MCF2L: variants seen among roughly 807,000 people sequenced by gnomAD.
The protein encoded by MCF2L is guanine nucleotide exchange factor DBS.
MCF2L carries 97 observed loss-of-function variants against 153.4 expected under a neutral mutation model. The observed-to-expected ratio is 0.63, with a 90% CI of 0.54 to 0.75. MCF2L has a LOEUF of 0.75. MCF2L is among the 30% of genes least tolerant of loss of function. The probability of loss-of-function intolerance (pLI) is 0.00; values close to 1 mark genes in which losing one functional copy is unlikely to be tolerated. For synonymous variants in MCF2L, 659 were observed against 632.2 expected, an observed-to-expected ratio of 1.04 and a Z score of -0.64; for missense variants, 1,347 against 1,495.2, an observed-to-expected ratio of 0.90 and a Z score of 1.64.
chr13:112,912,346 C>T (rs1182241877), intron 2 of MCF2L, among the ~76,000 whole-genome samples: 9 of 151,796 alleles, frequency 5.9e-5, no homozygotes, highest in Admixed American at 2.0e-4. Flanking sequence ...GATAGAGCCT[C>T]GCTCTGTCAC....
intron 3 of MCF2L, chr13:113,044,627 C>A (rs1242463545): frequency 2.5e-6 from 4 of 1,596,838 alleles, no homozygotes. Context: ...CGGAAGAGGG[C>A]TCTCCGCACC....
At chr13:112,970,498 C>T (rs1240849724) in intron 1 of MCF2L, among the ~76,000 whole-genome samples, 2 of 152,148 alleles carry the variant, frequency 1.3e-5, no homozygotes, top group African/African-American at 4.8e-5. Context: ...ATGCCGTCTG[C>T]TCCCTGATTC....
intron 1 of MCF2L, among the ~76,000 whole-genome samples, chr13:113,007,899 G>A (rs1478801414): frequency 3.4e-5 from 5 of 148,826 alleles, no homozygotes; most frequent in Admixed American, 6.8e-5. Context: ...TTTTTAGTAT[G>A]TGTATCTTTT....
chr13:113,086,085 C>T (rs764398605), intron 20 of MCF2L, 39 bp from the exon 21 acceptor site: 7 of 1,582,386 alleles, frequency 4.4e-6, no homozygotes, highest in Non-Finnish European at 6.0e-6. Flanking sequence ...CCAGGGCTCT[C>T]CGTGTCCCGA....
In MCF2L at chr13:113,097,402, A is replaced by AT. The variant is rs1348515534; in HGVS notation, c.*550dup. The AT allele has an allele frequency of 6.6e-6, 1 of 152,268 alleles. No individual in the cohort carries two copies. Among genetic ancestry groups the AT allele is most frequent in the Admixed American group, 6.5e-5 (1 of 15,280 alleles). 9.4% of individuals were successfully genotyped at this position (152,268 alleles called of 1,614,324 possible). A position where few individuals can be genotyped will look rare whatever the true frequency, so the allele number is the denominator to read the frequency against. On this transcript the variant is annotated 3_prime_UTR_variant, in exon 30 of 30. Transcript: ENST00000535094. Reference sequence around the variant, plus strand: ...TTGATACTGTATTTGATAGAAAACTATTTTTTTGTTACCGGGGTTTACATA... The same window carrying AT: ...TTGATACTGTATTTGATAGAAAACTATTTTTTTTGTTACCGGGGTTTACATA...
chr13:112,904,753 C>T lies in MCF2L; in HGVS notation c.169+2382C>T, dbSNP rs570519097. Among the ~76,000 whole-genome samples, 34 of 152,366 alleles carry T rather than the reference C, an allele frequency of 2.2e-4. No homozygotes were observed. The highest frequency in any genetic ancestry group is 6.5e-4 in the Admixed American group (10 of 15,308). ...AGCGCACGGCGTGGACTGCGGCCTG[C>T]GGGAGAACCGCACTCGGCTCTCAGG... On this transcript the variant is annotated intron_variant, in intron 2 of 29. Coordinates refer to the MCF2L transcript ENST00000375608. This position sits in a 1 kb window ranked among gnomAD's most constrained non-coding sequence, Gnocchi z 4.2.
At chr13:112,958,776 CG>C (rs2081789357) in intron 2 of MCF2L, among the ~76,000 whole-genome samples, 2 of 152,222 alleles carry the variant, frequency 1.3e-5, no homozygotes, top group African/African-American at 2.4e-5. Context: ...GTGTGGGATA[CG>C]TGTGCCAGGC....
intron 3 of MCF2L, chr13:113,044,589 C>A: frequency 1.3e-6 from 2 of 1,547,526 alleles, no homozygotes; most frequent in Non-Finnish European, 1.7e-6. Flanking sequence ...TGGCATCACG[C>A]AATTGGCTTG....
Position 113,064,412 on chromosome 13 carries a change from C to A in MCF2L, c.598C>A (p.Gln200Lys). The part of the protein sequence containing the change: ...LDYCHSRWLC[Q>K]RTAIESFALM... ...CTACTGCCACTCCCGGTGGCTGTGC[C>A]AGCGCACGGTGAGCCGCGTCGGGGC... The change falls in exon 6 of 30, where the codon CAG (glutamine) becomes AAG (lysine). Residue 200 changes from glutamine (Q) to lysine (K), a missense_variant. Physicochemically the swap from Gln to Lys is moderately conservative, Grantham distance 53. Coordinates refer to ENST00000535094, the MANE Select transcript of MCF2L (RefSeq NM_001112732.3). This position sits in a 1 kb window ranked among gnomAD's most constrained non-coding sequence, Gnocchi z 6.0. 3.1e-6 allele frequency: 5 copies of A among 1,611,158 alleles called. No individual in the cohort carries two copies. Among genetic ancestry groups the A allele is most frequent in the Non-Finnish European group, 4.2e-6 (5 of 1,178,888 alleles).
At chr13:112,909,352 G>T in intron 2 of MCF2L, 1 of 776,820 alleles carries the variant, frequency 1.3e-6, no homozygotes, top group South Asian at 1.3e-5. Flanking sequence ...TACAGACCCG[G>T]CCTCCCCGCC....
At chr13:112,898,330 C>T (rs895526195) in intron 1 of MCF2L, among the ~76,000 whole-genome samples, 1 of 152,216 alleles carries the variant, frequency 6.6e-6, no homozygotes, top group South Asian at 2.1e-4. Context: ...GCGCTCTACC[C>T]GAGCTGGTTG....
At chr13:113,030,153 A>C (rs2993313) in intron 3 of MCF2L, among the ~76,000 whole-genome samples, 24,202 of 152,224 alleles carry the variant, frequency 0.16, 2,485 homozygotes, top group East Asian at 0.4. Flanking sequence ...TGGTCCTTGG[A>C]AAGACGACTC....
intron 1 of MCF2L, among the ~76,000 whole-genome samples, chr13:113,001,104 C>A (rs2141045218): frequency 6.6e-6 from 1 of 152,270 alleles, no homozygotes; most frequent in East Asian, 1.9e-4. Context: ...GGGACTCCCA[C>A]CCAGGGCAGC....
At position 113,024,661 on chromosome 13, in the gene MCF2L, G is replaced by A. The variant is rs757292269; in HGVS notation, c.181G>A (p.Gly61Arg). Residue 61 changes from glycine (G) to arginine (R), a missense_variant, in exon 3 of 30, where the codon GGA becomes AGA. Around this residue, in one of 3 missense-constraint regions of MCF2L, gnomAD observed 820 missense variants for 921.2 expected, o/e 0.89. Coordinates refer to ENST00000535094, the MANE Select transcript of MCF2L (RefSeq NM_001112732.3). Reference sequence around the variant, plus strand: ...CTCCCCAGGTGGGCGGGGGCAGGACGGAAGCCCGGTTATCACCTTCCCTGA... The same window carrying A: ...CTCCCCAGGTGGGCGGGGGCAGGACAGAAGCCCGGTTATCACCTTCCCTGA... ...AYLSGGRGQDGSPVITFPDYP... is the reference protein window; with the variant it reads ...AYLSGGRGQDRSPVITFPDYP... The A allele has an allele frequency of 1.6e-5, 26 of 1,613,752 alleles. No homozygotes were observed. In the East Asian group the frequency reaches 2.9e-4, roughly 18 times the overall value.
At chr13:112,916,432 G>T (rs950756589) in intron 2 of MCF2L, among the ~76,000 whole-genome samples, 2 of 152,106 alleles carry the variant, frequency 1.3e-5, no homozygotes. Flanking sequence ...TGACTCACTG[G>T]TGTTTCATCA....
rs552741826 is a variant in MCF2L, at chr13:112,996,636, G to T, written c.80-18127G>T. On this transcript the variant is annotated intron_variant, in intron 1 of 29. Coordinates refer to ENST00000535094, the MANE Select transcript of MCF2L (RefSeq NM_001112732.3). The stretch of plus-strand genomic sequence containing the variant: ...CATCCTGCGACCGTGCTCCTCAGGT[G>T]TGCCCCACGGGCCCGGGAATGTCCT... 1.7e-3 allele frequency among the ~76,000 whole-genome samples: 261 copies of T among 152,298 alleles called. 2 individuals are homozygous for T. The highest frequency in any genetic ancestry group is 5.2e-3 in the African/African-American group (216 of 41,552).
In MCF2L at chr13:113,027,412, G is replaced by T. The variant is rs2085381077; in HGVS notation, c.278+2654G>T. Among the ~76,000 whole-genome samples, 1 of 152,130 alleles carries T rather than the reference G, an allele frequency of 6.6e-6. No individual in the cohort carries two copies. The highest frequency in any genetic ancestry group is 1.5e-5 in the Non-Finnish European group (1 of 68,026). Reference sequence around the variant, plus strand: ...GGGAGCCTCACCGGTGGGCCTTTCGGGGGCAGGACGTCTTGGTGGGCAGAA... The same window carrying T: ...GGGAGCCTCACCGGTGGGCCTTTCGTGGGCAGGACGTCTTGGTGGGCAGAA... On this transcript the variant is annotated intron_variant, in intron 3 of 29. Coordinates refer to ENST00000535094, the MANE Select transcript of MCF2L (RefSeq NM_001112732.3). The surrounding 1 kb of genome is among the most constrained non-coding windows in gnomAD (Gnocchi z 4.8).
chr13:112,988,333 G>A (rs1463956025), intron 1 of MCF2L, among the ~76,000 whole-genome samples: 2 of 152,186 alleles, frequency 1.3e-5, no homozygotes, highest in African/African-American at 4.8e-5. Flanking sequence ...TTCTAAAATA[G>A]TGGAAAGGAA....
intron 2 of MCF2L, among the ~76,000 whole-genome samples, chr13:112,915,935 A>G (rs1225874972): frequency 6.6e-6 from 1 of 152,106 alleles, no homozygotes; most frequent in East Asian, 1.9e-4. Context: ...GCAGTGGCTC[A>G]CGCCTGTAAT....
Sources: allele counts gnomAD v4.1 joint callset (sites outside exome capture counted in the v4.1 genomes callset), GRCh38; gene constraint gnomAD v4.1.1; regional missense constraint gnomAD v4.1.1; non-coding constraint Gnocchi (gnomAD v3.1); transcripts MANE v1.5; gene names NCBI Gene and HGNC (gene_info 2026-07-23, HGNC 2026-07-21).